The following CASK variants were observed in gnomAD, a reference collection of about 807,000 sequenced individuals.
The protein encoded by CASK is peripheral plasma membrane protein CASK.
CASK carries 4 observed loss-of-function variants against 82.9 expected under a neutral mutation model. That is an observed-to-expected ratio of 0.05 (90% confidence interval 0.02 to 0.11). The LOEUF is 0.11. CASK is among the 10% of genes least tolerant of loss of function. CASK has a pLI of 1.00. For missense variants in CASK, 358 were observed against 720.9 expected (o/e 0.50, Z 5.76); for synonymous variants, 259 against 253.5 (o/e 1.02, Z -0.20).
intron 4 of CASK, 147 bp downstream of exon 4, chrX:41,745,377 C>T (rs1353436562): frequency 1.8e-5 from 9 of 506,354 alleles, no homozygotes; most frequent in South Asian, 1.4e-4. Flanking sequence ...CAGTGACTAT[C>T]GGTTCTACTA....
chrX:41,536,181 G>A (rs954711388), intron 22 of CASK, among the ~76,000 whole-genome samples: 2 of 110,799 alleles, frequency 1.8e-5, no homozygotes, highest in African/African-American at 6.6e-5. Context: ...GCAGTGGCGC[G>A]ATCTCGGCTC....
intron 1 of CASK, among the ~76,000 whole-genome samples, chrX:41,858,445 A>C (rs2071413441): frequency 8.9e-6 from 1 of 112,213 alleles, no homozygotes; most frequent in Admixed American, 9.4e-5. Context: ...CCTATTCCTG[A>C]GAATGGGAGG....
intron 2 of CASK, among the ~76,000 whole-genome samples, chrX:41,804,611 A>G (rs1314656222): frequency 9.0e-6 from 1 of 111,696 alleles, no homozygotes; most frequent in East Asian, 2.8e-4. Flanking sequence ...CACTAAAACT[A>G]CTAAGGTGAC....
At chrX:41,764,064 G>C (rs1407836270) in intron 3 of CASK, among the ~76,000 whole-genome samples, 1 of 111,831 alleles carries the variant, frequency 8.9e-6, no homozygotes, top group Non-Finnish European at 1.9e-5. Context: ...ATACCAAAAG[G>C]CAGCACATCT....
intron 3 of CASK, among the ~76,000 whole-genome samples, chrX:41,750,972 C>A (rs2068778433): frequency 1.8e-5 from 2 of 112,793 alleles, no homozygotes; most frequent in Non-Finnish European, 3.7e-5. Flanking sequence ...CTGCAAATAT[C>A]CTTGAAGAAC....
At chrX:41,613,624 T>C (rs1291743771) in intron 11 of CASK, among the ~76,000 whole-genome samples, 1 of 54,762 alleles carries the variant, frequency 1.8e-5, no homozygotes, top group African/African-American at 8.2e-5. Flanking sequence ...CCAAGAATGA[T>C]CAATTAAAAA....
chrX:41,898,890 A>G (rs1417704181), intron 1 of CASK, among the ~76,000 whole-genome samples: 2 of 111,971 alleles, frequency 1.8e-5, no homozygotes. Flanking sequence ...TGAAAAGAAC[A>G]TCGTATTCTG....
chrX:41,574,758 T>A (rs954403262), intron 15 of CASK, among the ~76,000 whole-genome samples: 1 of 111,912 alleles, frequency 8.9e-6, no homozygotes, highest in Non-Finnish European at 1.9e-5. Context: ...TGGCCTTGAA[T>A]TTGAGACAGT....
chrX:41,686,609 CA>C (rs1267360642), intron 5 of CASK, among the ~76,000 whole-genome samples: 1 of 111,039 alleles, frequency 9.0e-6, no homozygotes, highest in African/African-American at 3.3e-5. Context: ...TTTTGAGAAC[CA>C]CTGGACTAAG....
intron 3 of CASK, among the ~76,000 whole-genome samples, chrX:41,757,538 A>G (rs1367552996): frequency 8.9e-6 from 1 of 112,478 alleles, no homozygotes; most frequent in Non-Finnish European, 1.9e-5. Context: ...GTATTTATTT[A>G]TAAGTCAATG....
chrX:41,905,939 A>T lies in CASK; in HGVS notation c.59+16991T>A, dbSNP rs192912600. Among the ~76,000 whole-genome samples the T allele has an allele frequency of 3.6e-5, 4 of 112,366 alleles. No homozygotes were observed. In the East Asian group the frequency reaches 1.1e-3, roughly 31 times the overall value. ...CTTAGAAACTTCTTTTCTTCATCTAATTAGAGCATTGGTCTTACAGATCTC... is the reference window on the plus strand; with the variant it reads ...CTTAGAAACTTCTTTTCTTCATCTATTTAGAGCATTGGTCTTACAGATCTC... On this transcript the variant is annotated intron_variant, in intron 1 of 26. Coordinates refer to ENST00000378163, the MANE Select transcript of CASK (RefSeq NM_001367721.1).
At chrX:41,920,226 G>C (rs765405014) in intron 1 of CASK, among the ~76,000 whole-genome samples, 10 of 112,280 alleles carry the variant, frequency 8.9e-5, no homozygotes, top group Non-Finnish European at 1.3e-4. Flanking sequence ...CATAGAACTT[G>C]GATAGAAATC....
At chrX:41,710,081 T>TGTGTGTG (rs2067947788) in intron 5 of CASK, among the ~76,000 whole-genome samples, 2 of 72,185 alleles carry the variant, frequency 2.8e-5, no homozygotes, top group East Asian at 4.6e-4. Flanking sequence ...GGTATAGATT[T>TGTGTGTG]TGTGTGTGTG....
chrX:41,845,025 T>C (rs149461258), intron 2 of CASK, among the ~76,000 whole-genome samples: 312 of 112,067 alleles, frequency 2.8e-3, no homozygotes, highest in East Asian at 0.017. Context: ...TTCCATTCCA[T>C]TGTGGCCAGA....
At chrX:41,528,242 C>A (rs934370886) in intron 25 of CASK, among the ~76,000 whole-genome samples, 2 of 112,413 alleles carry the variant, frequency 1.8e-5, no homozygotes, top group African/African-American at 6.5e-5. Flanking sequence ...GGAGTCATAA[C>A]GCCTGGCAAA....
chrX:41,816,195 T>C (rs2070407614), intron 2 of CASK, among the ~76,000 whole-genome samples: 1 of 111,188 alleles, frequency 9.0e-6, no homozygotes. Context: ...ATACACTGCA[T>C]AAAGGAAGAA....
At chrX:41,666,187 C>T (rs998719254) in intron 6 of CASK, among the ~76,000 whole-genome samples, 3 of 112,184 alleles carry the variant, frequency 2.7e-5, no homozygotes, top group Admixed American at 9.5e-5. Flanking sequence ...CCCATTCAAT[C>T]CTCTTTGACT....
intron 21 of CASK, 88 bp from the exon 22 acceptor site, chrX:41,542,894 A>G (rs2064967711): frequency 3.6e-6 from 2 of 561,945 alleles, no homozygotes; most frequent in African/African-American, 2.3e-5. Flanking sequence ...AAGAATTTAT[A>G]TAAAACAGCA....
At chrX:41,649,479 A>T (rs964888430) in intron 8 of CASK, among the ~76,000 whole-genome samples, 7 of 112,027 alleles carry the variant, frequency 6.2e-5, no homozygotes, top group Non-Finnish European at 1.1e-4. Flanking sequence ...GGCTTCAAAG[A>T]ACATCTTTAT....
Sources: allele counts gnomAD v4.1 joint callset (sites outside exome capture counted in the v4.1 genomes callset), GRCh38; gene constraint gnomAD v4.1.1; transcripts MANE v1.5; gene names NCBI Gene and HGNC (gene_info 2026-07-23, HGNC 2026-07-21).